Variants in ARHGAP10 observed in about 807,000 individuals in gnomAD.
ARHGAP10 encodes Rho GTPase activating protein 10.
Under a neutral mutation model 108.6 loss-of-function variants are expected in ARHGAP10, and 87 were observed. The observed-to-expected ratio is 0.80, with a 90% CI of 0.67 to 0.96. ARHGAP10 has a LOEUF of 0.96. ARHGAP10 is among the 40% of genes least tolerant of loss of function. The pLI, the probability that ARHGAP10 is intolerant of heterozygous loss-of-function variation, is 0.00. For synonymous variants in ARHGAP10, 347 were observed against 341.1 expected (o/e 1.02, Z -0.19); for missense variants, 939 against 954.5 (o/e 0.98, Z 0.21).
At chr4:147,946,339 G>A in intron 14 of ARHGAP10, 3 of 346,540 alleles carry the variant, frequency 8.7e-6, no homozygotes, top group Non-Finnish European at 1.0e-5. Flanking sequence ...ATTACATTGT[G>A]GATGTTGAAA....
chr4:148,032,667 A>G (rs1728207234), intron 19 of ARHGAP10, among the ~76,000 whole-genome samples: 1 of 152,174 alleles, frequency 6.6e-6, no homozygotes, highest in Non-Finnish European at 1.5e-5. Flanking sequence ...TCACATGATC[A>G]CAAGGTGAAG....
chr4:147,783,728 A>G (rs1279507631), intron 1 of ARHGAP10, among the ~76,000 whole-genome samples: 1 of 146,738 alleles, frequency 6.8e-6, no homozygotes, highest in Non-Finnish European at 1.5e-5. Flanking sequence ...AGAACACATT[A>G]AATTATGTAT....
At chr4:147,827,215 C>CT (rs1444595671) in intron 3 of ARHGAP10, among the ~76,000 whole-genome samples, 1 of 151,016 alleles carries the variant, frequency 6.6e-6, no homozygotes, top group Non-Finnish European at 1.5e-5. Context: ...CTGTGGCTAC[C>CT]TTTGTTTCTT....
At chr4:147,966,614 A>G in intron 17 of ARHGAP10, 66 bp from the exon 18 acceptor site, 5 of 1,385,726 alleles carry the variant, frequency 3.6e-6, no homozygotes, top group Non-Finnish European at 4.8e-6. Context: ...AGAGTTGCAG[A>G]CTATTTACAG....
intron 20 of ARHGAP10, among the ~76,000 whole-genome samples, chr4:148,051,716 A>G (rs891914430): frequency 1.3e-5 from 2 of 152,210 alleles, no homozygotes; most frequent in African/African-American, 4.8e-5. Flanking sequence ...TAAAGCATCT[A>G]TCCCAGCTAG....
chr4:147,820,074 A>G (rs1732420499), intron 1 of ARHGAP10, among the ~76,000 whole-genome samples: 1 of 152,156 alleles, frequency 6.6e-6, no homozygotes, highest in Non-Finnish European at 1.5e-5. Context: ...GACTAGCCCT[A>G]TCCTAGGAAG....
rs778062825 is a variant in ARHGAP10, at chr4:147,879,289, C to G, written c.890C>G (p.Ala297Gly). 2 of 1,613,860 alleles carry G rather than the reference C, an allele frequency of 1.2e-6. No homozygotes were observed. The highest frequency in any genetic ancestry group is 1.7e-6 in the Non-Finnish European group (2 of 1,179,956). ...CACTATTGCATGTATCGAAAAGCAG[C>G]AAAGAAGTTCAACATGATCCCATTT... Reference protein sequence around the residue: ...VKHYCMYRKAAKKFNMIPFEH... With the variant: ...VKHYCMYRKAGKKFNMIPFEH... The change falls in exon 9 of 23, where the codon GCA becomes GGA. Residue 297 changes from alanine (A) to glycine (G), a missense_variant. Transcript: ENST00000336498.
In ARHGAP10 at chr4:147,941,354, C is replaced by T. The variant is rs180933893; in HGVS notation, c.1303+1455C>T. On this transcript the variant is annotated intron_variant, in intron 14 of 22. Coordinates refer to ENST00000336498, the MANE Select transcript of ARHGAP10 (RefSeq NM_024605.4). ...TTGTTGGTCATCTCATAAAATTCTA[C>T]GTGTACAGCATTGCTAAACTCAGCG... Among the ~76,000 whole-genome samples the T allele has an allele frequency of 5.3e-5, 8 of 152,278 alleles. No homozygotes were observed. In the East Asian group the frequency reaches 1.3e-3, roughly 26 times the overall value.
In ARHGAP10 at chr4:147,889,500, A is replaced by G. The variant is rs559153056; in HGVS notation, c.1034+7568A>G. ...TTTTTGTTAGAGATGGGGTTTCACC[A>G]TATTGGCCAGGCTGGTCTTGAACTC... is the stretch of plus-strand genomic sequence containing the variant. On this transcript the variant is annotated intron_variant, in intron 10 of 22. Coordinates refer to ENST00000336498, the MANE Select transcript of ARHGAP10 (RefSeq NM_024605.4). Among the ~76,000 whole-genome samples, 3 of 152,164 alleles carry G rather than the reference A, an allele frequency of 2.0e-5. No homozygotes were observed. The South Asian group carries it at 6.2e-4, about 32-fold the overall frequency.
At chr4:147,833,555 A>G (rs1238619161) in intron 3 of ARHGAP10, among the ~76,000 whole-genome samples, 1 of 152,236 alleles carries the variant, frequency 6.6e-6, no homozygotes, top group Non-Finnish European at 1.5e-5. Context: ...GATTTTGATG[A>G]CTGAGATGAA....
chr4:147,789,258 G>T (rs1169017166), intron 1 of ARHGAP10, among the ~76,000 whole-genome samples: 2 of 152,210 alleles, frequency 1.3e-5, no homozygotes, highest in Non-Finnish European at 2.9e-5. Context: ...TTCTATTTAA[G>T]TGGGCTGAGG....
chr4:147,956,752 T>C (rs1266680338), intron 16 of ARHGAP10, among the ~76,000 whole-genome samples: 4 of 130,046 alleles, frequency 3.1e-5, no homozygotes, highest in African/African-American at 1.3e-4. Flanking sequence ...TTTTTTTCCT[T>C]TTTTTTTTTC....
At chr4:147,803,360 C>T (rs1731655815) in intron 1 of ARHGAP10, among the ~76,000 whole-genome samples, 1 of 152,148 alleles carries the variant, frequency 6.6e-6, no homozygotes, top group Non-Finnish European at 1.5e-5. Flanking sequence ...TTATGGGATA[C>T]ATGTGATATT....
At chr4:147,851,491 G>T (rs1176155240) in intron 4 of ARHGAP10, among the ~76,000 whole-genome samples, 1 of 152,142 alleles carries the variant, frequency 6.6e-6, no homozygotes, top group Non-Finnish European at 1.5e-5. Flanking sequence ...GGGATTACAG[G>T]CTTGAGCCAC....
intron 15 of ARHGAP10, among the ~76,000 whole-genome samples, chr4:147,949,048 A>G (rs1738496523): frequency 6.6e-6 from 1 of 152,086 alleles, no homozygotes; most frequent in Non-Finnish European, 1.5e-5. Context: ...CCCATCAGGT[A>G]GCCTGGGTTG....
chr4:147,778,217 C>T (rs1730384144), intron 1 of ARHGAP10, among the ~76,000 whole-genome samples: 1 of 152,160 alleles, frequency 6.6e-6, no homozygotes. Context: ...TGAATTTCCT[C>T]ACCTTTGAAA....
intron 1 of ARHGAP10, among the ~76,000 whole-genome samples, chr4:147,760,988 A>C (rs1729565754): frequency 6.6e-6 from 1 of 151,500 alleles, no homozygotes; most frequent in African/African-American, 2.4e-5. Flanking sequence ...AGGTAAAAAG[A>C]GGCAGTTTAT....
At position 148,040,523 on chromosome 4, in the gene ARHGAP10, G is replaced by A. The variant is rs547536612; in HGVS notation, c.1868-6369G>A. Among the ~76,000 whole-genome samples, 14 of 152,124 alleles carry A rather than the reference G, an allele frequency of 9.2e-5. No individual in the cohort carries two copies. The South Asian group carries it at 1.2e-3, about 14-fold the overall frequency. On this transcript the variant is annotated intron_variant, in intron 19 of 22. Transcript: ENST00000336498. ...CACCTGGCTATTTTTTGTATTTTTC[G>A]TAGAGACTGGGTTTTGCCATGTTGG...
chr4:147,972,961 G>A (rs945302794), intron 18 of ARHGAP10, among the ~76,000 whole-genome samples: 3 of 151,828 alleles, frequency 2.0e-5, no homozygotes, highest in Non-Finnish European at 4.4e-5. Context: ...CTTCATGTTG[G>A]CCAGGCTGGT....
Sources: allele counts gnomAD v4.1 joint callset (sites outside exome capture counted in the v4.1 genomes callset), GRCh38; gene constraint gnomAD v4.1.1; transcripts MANE v1.5; gene names NCBI Gene and HGNC (gene_info 2026-07-23, HGNC 2026-07-21).